The following ODF2 variants were observed in gnomAD, a reference collection of about 807,000 sequenced individuals.
ODF2 encodes the protein outer dense fiber of sperm tails 2, also known as outer dense fiber protein 2.
In ODF2, 47 loss-of-function variants were observed where a neutral mutation model predicts 110.2. The observed-to-expected ratio is 0.43, with a 90% confidence interval of 0.34 to 0.54. The LOEUF (loss-of-function observed/expected upper bound fraction) is 0.54, where lower values mean the gene tolerates loss of function less well. ODF2 is among the 20% of genes least tolerant of loss of function. The pLI is 0.03. For missense variants in ODF2, 812 were observed against 1,054.5 expected (o/e 0.77, Z 3.19); for synonymous variants, 352 against 397.7 (o/e 0.89, Z 1.37).
chr9:128,476,925 C>T (rs1486895800), intron 8 of ODF2, among the ~76,000 whole-genome samples: 3 of 150,486 alleles, frequency 2.0e-5, no homozygotes, highest in African/African-American at 7.3e-5. Flanking sequence ...AGGCATGAGC[C>T]ACCGCGCCCG....
At chr9:128,456,556 C>T in intron 1 of ODF2, 2 of 1,527,502 alleles carry the variant, frequency 1.3e-6, no homozygotes, top group African/African-American at 1.4e-5. Context: ...TGGGCAGAAA[C>T]CGGTACCCTC....
Position 128,473,547 on chromosome 9 carries a change from C to G in ODF2, c.712-63C>G. ...TTTCTGGCACCAGACCTCTTGAGTG[C>G]CCATGGGGCCTGCTTCTTCCCTTCT... is the stretch of plus-strand genomic sequence containing the variant. On this transcript the variant is annotated intron_variant, in intron 7 of 20. Coordinates refer to ENST00000604420, the Ensembl canonical transcript of ODF2. The G allele has an allele frequency of 1.9e-6, 3 of 1,596,722 alleles. No homozygotes were observed. In the South Asian group the frequency reaches 3.4e-5, roughly 18 times the overall value.
upstream of ODF2, chr9:128,455,977 A>G (rs568499605): frequency 2.6e-3 from 3,609 of 1,410,414 alleles, 11 homozygotes; most frequent in Middle Eastern, 8.4e-3. Context: ...TGGTGACGGG[A>G]CGCGTGGCCC....
intron 8 of ODF2, among the ~76,000 whole-genome samples, chr9:128,480,763 G>A (rs1842235932): frequency 6.6e-6 from 1 of 152,160 alleles, no homozygotes; most frequent in South Asian, 2.1e-4. Flanking sequence ...GTTGCAGTGA[G>A]CCGAGATCGT....
intron 1 of ODF2, 34 bp downstream of exon 1, chr9:128,456,289 C>A: frequency 3.3e-6 from 5 of 1,514,636 alleles, no homozygotes; most frequent in Non-Finnish European, 4.4e-6. Flanking sequence ...ATCCAGCGCC[C>A]TCCGGGGCAC....
intron 8 of ODF2, among the ~76,000 whole-genome samples, chr9:128,481,299 C>T (rs1243258228): frequency 1.3e-5 from 2 of 151,910 alleles, no homozygotes; most frequent in Non-Finnish European, 2.9e-5. Context: ...GGGAGACCCT[C>T]CAACTCTACA....
intron 5 of ODF2, among the ~76,000 whole-genome samples, chr9:128,470,051 A>ATATATATATATATAT (rs1839571890): frequency 1.8e-5 from 2 of 111,476 alleles, no homozygotes; most frequent in Admixed American, 1.0e-4. Flanking sequence ...ATATATAAAT[A>ATATATATATATATAT]AAAAAATTAA....
chr9:128,486,600 G>A (rs1372693003), intron 13 of ODF2, among the ~76,000 whole-genome samples: 2 of 152,208 alleles, frequency 1.3e-5, no homozygotes, highest in Non-Finnish European at 2.9e-5. Flanking sequence ...TGAGCCCCAG[G>A]GCTCCTCTTG....
At chr9:128,470,148 A>C (rs1839617204) in intron 5 of ODF2, among the ~76,000 whole-genome samples, 1 of 148,120 alleles carries the variant, frequency 6.8e-6, no homozygotes, top group Non-Finnish European at 1.5e-5. Context: ...TGGAATTGGA[A>C]ATAGAACCTG....
chr9:128,480,974 C>T (rs1257916625), intron 8 of ODF2, among the ~76,000 whole-genome samples: 2 of 151,886 alleles, frequency 1.3e-5, no homozygotes, highest in Non-Finnish European at 2.9e-5. Context: ...AACAGTATTT[C>T]AATACAGTAT....
intron 8 of ODF2, among the ~76,000 whole-genome samples, chr9:128,476,370 C>T (rs765683388): frequency 9.9e-5 from 15 of 151,896 alleles, no homozygotes; most frequent in Non-Finnish European, 1.6e-4. Flanking sequence ...TCACTGTAAC[C>T]TCCACCTCCT....
upstream of ODF2, chr9:128,456,035 G>C: frequency 6.8e-7 from 1 of 1,460,232 alleles, no homozygotes; most frequent in Non-Finnish European, 9.1e-7. Context: ...TGTGACGCTA[G>C]GGGCTGGGCC....
intron 13 of ODF2, among the ~76,000 whole-genome samples, chr9:128,487,584 G>A (rs1181594024): frequency 1.3e-5 from 2 of 151,992 alleles, no homozygotes; most frequent in Admixed American, 6.6e-5. Flanking sequence ...TCAGGAGATC[G>A]AGACCATCCT....
chr9:128,482,303 A>G (rs1468667294), intron 9 of ODF2, among the ~76,000 whole-genome samples: 2 of 152,244 alleles, frequency 1.3e-5, no homozygotes, highest in Non-Finnish European at 2.9e-5. Context: ...AGATGCAGCA[A>G]GCTCGGCGAT....
In ODF2 at chr9:128,461,081, T is replaced by C. The variant is rs1836318436; in HGVS notation, c.249+14T>C. The C allele has an allele frequency of 6.2e-7, 1 of 1,612,972 alleles. No individual in the cohort carries two copies. The highest frequency in any genetic ancestry group is 1.3e-5 in the African/African-American group (1 of 74,910). ...TGCAAGTGGGAGGTAGGCTCACCCT[T>C]GCCCAGGCTTTTCTTCTCGGACTGC... On this transcript the variant is annotated intron_variant, in intron 4 of 20. Coordinates refer to ENST00000604420, the Ensembl canonical transcript of ODF2.
At chr9:128,455,250 G>T, upstream of ODF2, 1 of 1,534,470 alleles carries the variant, frequency 6.5e-7, no homozygotes, top group Non-Finnish European at 8.7e-7. Flanking sequence ...GAGCGGCATA[G>T]AGAGTGCAGG....
In ODF2 at chr9:128,469,222, G is replaced by T; in HGVS notation, c.289G>T (p.Glu97Ter). The stretch of plus-strand genomic sequence containing the variant: ...CCTGGAGATCACGCCACCATCTTCA[G>T]AAAAGCTGGTCTCAGTGATGCGGTT... Residue 97 changes from glutamate to a stop codon, truncating the protein, a stop_gained, in exon 5 of 21, where the codon GAA becomes TAA. Coordinates refer to ENST00000604420, the Ensembl canonical transcript of ODF2. LOFTEE classifies it high-confidence loss of function. The T allele has an allele frequency of 6.2e-7, 1 of 1,614,082 alleles. No individual in the cohort carries two copies. Among genetic ancestry groups the T allele is most frequent in the Non-Finnish European group, 8.5e-7 (1 of 1,179,954 alleles).
chr9:128,475,080 A>C (rs1431187122), intron 8 of ODF2, among the ~76,000 whole-genome samples: 1 of 145,078 alleles, frequency 6.9e-6, no homozygotes, highest in Non-Finnish European at 1.5e-5. Flanking sequence ...ATTTGGAAAA[A>C]ATTACATATT....
In ODF2 at chr9:128,484,890, G is replaced by A. The variant is rs776855762; in HGVS notation, c.1290+4G>A. 21 of 1,612,414 alleles carry A rather than the reference G, an allele frequency of 1.3e-5. No individual in the cohort carries two copies. The highest frequency in any genetic ancestry group is 1.7e-5 in the Non-Finnish European group (20 of 1,179,468). The stretch of plus-strand genomic sequence containing the variant: ...ACACGTGCAACTCGCTGACAAGGTC[G>A]CAGGCCCGCGGTGCCCAGCTCCTCA... On this transcript the variant is annotated splice_donor_region_variant and intron_variant, in intron 12 of 20. Transcript: ENST00000604420.
Sources: gnomAD v4.1 joint callset for allele counts (sites outside exome capture counted in the v4.1 genomes callset) on GRCh38, gnomAD v4.1.1 for gene constraint, MANE v1.5 for transcripts, NCBI Gene and HGNC (gene_info 2026-07-23, HGNC 2026-07-21) for gene names.